The following SGIP1 variants were observed in gnomAD, a reference collection of about 807,000 sequenced individuals.
SGIP1 encodes SH3GL interacting endocytic adaptor 1, also known as SH3-containing GRB2-like protein 3-interacting protein 1.
In SGIP1, 38 loss-of-function variants were observed where a neutral mutation model predicts 107.5. The ratio of observed to expected loss-of-function variants is 0.35; its 90% CI spans 0.27 to 0.46. The LOEUF (loss-of-function observed/expected upper bound fraction) is 0.46. Among genes scored for constraint, SGIP1 ranks in the 20% least tolerant of loss-of-function variants. SGIP1 has a pLI of 1.00. For missense variants in SGIP1, 929 were observed against 1,019.5 expected (o/e 0.91, Z 1.21); for synonymous variants, 365 against 366.1 (o/e 1.00, Z 0.03).
chr1:66,633,072 G>A lies in SGIP1; in HGVS notation c.77G>A (p.Gly26Asp). The change falls in exon 3 of 25, where the codon GGT becomes GAT. Residue 26 changes from glycine (G) to aspartate (D), a missense_variant and splice_region_variant. Physicochemically the swap from Gly to Asp is moderately conservative, Grantham distance 94 (BLOSUM62 -1). Coordinates refer to ENST00000371037, the MANE Select transcript of SGIP1 (RefSeq NM_032291.4). ...CTATCAATTTCTTTTTGTTACAGAG[G>A]TTCACCAGATAGAGATGGAATTGTA... ...RKKEKDTDST[G>D]SPDRDGIQPS... 6.5e-7 allele frequency: 1 copy of A among 1,538,438 alleles called. No homozygotes were observed. The highest frequency in any genetic ancestry group is 9.0e-7 in the Non-Finnish European group (1 of 1,112,772).
intron 21 of SGIP1, 75 bp downstream of exon 21, chr1:66,733,955 A>G (rs2094126035): frequency 1.4e-6 from 2 of 1,411,614 alleles, no homozygotes; most frequent in East Asian, 4.8e-5. Flanking sequence ...ATTGAATAAA[A>G]GTAACTAAAG....
chr1:66,728,200 A>T (rs1157603168), intron 19 of SGIP1, among the ~76,000 whole-genome samples: 1 of 152,232 alleles, frequency 6.6e-6, no homozygotes, highest in Non-Finnish European at 1.5e-5. Context: ...ACATAAAACA[A>T]CATGCTAAAG....
At chr1:66,727,896 T>A (rs2093830496) in intron 19 of SGIP1, among the ~76,000 whole-genome samples, 1 of 128,976 alleles carries the variant, frequency 7.8e-6, no homozygotes, top group Non-Finnish European at 1.8e-5. Context: ...AAAAAGGGAT[T>A]GCAAAAAAGC....
chr1:66,634,118 C>A (rs1163249873), intron 3 of SGIP1: 10 of 1,610,064 alleles, frequency 6.2e-6, no homozygotes, highest in Non-Finnish European at 8.5e-6. Context: ...AGCTTCTCCT[C>A]ACCTCTTGCT....
chr1:66,737,997 A>C (rs1469104610), intron 21 of SGIP1, among the ~76,000 whole-genome samples: 3 of 152,106 alleles, frequency 2.0e-5, no homozygotes, highest in African/African-American at 7.2e-5. Flanking sequence ...GAGGAACTAT[A>C]ATCAGGTTGA....
At chr1:66,711,260 C>A (rs2150346863) in intron 18 of SGIP1, among the ~76,000 whole-genome samples, 1 of 152,190 alleles carries the variant, frequency 6.6e-6, no homozygotes, top group East Asian at 1.9e-4. Context: ...ATAACAAGAA[C>A]ATAGAACATC....
chr1:66,661,538 T>C (rs1330154720), intron 8 of SGIP1, among the ~76,000 whole-genome samples: 1 of 152,210 alleles, frequency 6.6e-6, no homozygotes, highest in Non-Finnish European at 1.5e-5. Context: ...CCCAACTCTT[T>C]TGGTTTCCAA....
At chr1:66,682,807 G>A (rs1460636990) in intron 15 of SGIP1, among the ~76,000 whole-genome samples, 2 of 144,104 alleles carry the variant, frequency 1.4e-5, no homozygotes, top group Non-Finnish European at 3.0e-5. Context: ...GCAGGAGGGG[G>A]TGGGTGGGCT....
At chr1:66,546,314 T>C (rs750573456) in intron 1 of SGIP1, among the ~76,000 whole-genome samples, 6 of 152,236 alleles carry the variant, frequency 3.9e-5, no homozygotes. Context: ...TATGTCTGCC[T>C]GACTCCTTTA....
chr1:66,654,960 A>G (rs1244839540), intron 7 of SGIP1, among the ~76,000 whole-genome samples: 1 of 152,166 alleles, frequency 6.6e-6, no homozygotes, highest in Non-Finnish European at 1.5e-5. Context: ...TTTGAAGCCC[A>G]TCTTTATTTC....
intron 1 of SGIP1, among the ~76,000 whole-genome samples, chr1:66,614,174 G>C (rs192765365): frequency 3.3e-5 from 5 of 152,302 alleles, no homozygotes; most frequent in South Asian, 2.1e-4. Flanking sequence ...TGTAAGTAAA[G>C]ACAGAGAATA....
chr1:66,595,361 C>T (rs1031072686), intron 1 of SGIP1, among the ~76,000 whole-genome samples: 7 of 152,284 alleles, frequency 4.6e-5, no homozygotes, highest in African/African-American at 1.7e-4. Context: ...CAGCCACTAC[C>T]AATGGCTCAT....
At chr1:66,694,840 G>A in intron 17 of SGIP1, 1 of 264,422 alleles carries the variant, frequency 3.8e-6, no homozygotes. Flanking sequence ...AAAAATAATA[G>A]AGCATCATTA....
At chr1:66,559,891 A>C (rs547011520) in intron 1 of SGIP1, among the ~76,000 whole-genome samples, 1 of 152,184 alleles carries the variant, frequency 6.6e-6, no homozygotes, top group Non-Finnish European at 1.5e-5. Flanking sequence ...GGAGGGGGTC[A>C]ATGTCCCTTT....
chr1:66,608,811 T>A (rs1328823789), intron 1 of SGIP1, among the ~76,000 whole-genome samples: 1 of 152,228 alleles, frequency 6.6e-6, no homozygotes, highest in African/African-American at 2.4e-5. Context: ...TTGTATGGAC[T>A]CGCCATGCCT....
At chr1:66,718,157 A>G (rs1408398007) in intron 18 of SGIP1, among the ~76,000 whole-genome samples, 6 of 152,104 alleles carry the variant, frequency 3.9e-5, no homozygotes, top group Non-Finnish European at 2.9e-5. Flanking sequence ...AGACTTGGAG[A>G]AGAGGACAAA....
intron 18 of SGIP1, among the ~76,000 whole-genome samples, chr1:66,711,960 C>T (rs1484690460): frequency 1.3e-5 from 2 of 152,140 alleles, no homozygotes; most frequent in African/African-American, 2.4e-5. Flanking sequence ...CATTGACCAG[C>T]TCAGGTCAAA....
At chr1:66,672,311 T>C (rs1290471756) in intron 11 of SGIP1, among the ~76,000 whole-genome samples, 1 of 152,150 alleles carries the variant, frequency 6.6e-6, no homozygotes, top group African/African-American at 2.4e-5. Flanking sequence ...ATCTTCAATA[T>C]CATTATATTA....
intron 20 of SGIP1, among the ~76,000 whole-genome samples, chr1:66,730,484 C>T (rs2093956886): frequency 6.6e-6 from 1 of 152,172 alleles, no homozygotes; most frequent in Non-Finnish European, 1.5e-5. Context: ...GAAGTGGCCA[C>T]TTTTTTCTTT....
Sources: gnomAD v4.1 joint callset for allele counts (sites outside exome capture counted in the v4.1 genomes callset) on GRCh38, gnomAD v4.1.1 for gene constraint, MANE v1.5 for transcripts, NCBI Gene and HGNC (gene_info 2026-07-23, HGNC 2026-07-21) for gene names.